Variants in GPR63 observed in about 807,000 individuals in gnomAD.
The protein encoded by GPR63 is probable G protein-coupled receptor 63.
In GPR63, 12 loss-of-function variants were observed where a neutral mutation model predicts 23.1. That is an observed-to-expected ratio of 0.52 (90% CI 0.33 to 0.84). The LOEUF (loss-of-function observed/expected upper bound fraction) is 0.84. Among genes scored for constraint, GPR63 ranks in the 40% least tolerant of loss-of-function variants. The pLI, the probability that GPR63 is intolerant of heterozygous loss-of-function variation, is 0.02. For missense variants in GPR63, 472 were observed against 515.6 expected (o/e 0.92, Z 0.82); for synonymous variants, 172 against 191.1 (o/e 0.90, Z 0.82).
intron 1 of GPR63, among the ~76,000 whole-genome samples, chr6:96,811,866 A>G (rs1376801711): frequency 6.7e-6 from 1 of 149,318 alleles, no homozygotes; most frequent in East Asian, 1.9e-4. Context: ...ATAAATAAAT[A>G]AATAAATAAA....
At chr6:96,816,698 C>G (rs549702339) in intron 1 of GPR63, among the ~76,000 whole-genome samples, 2 of 152,184 alleles carry the variant, frequency 1.3e-5, no homozygotes, top group African/African-American at 2.4e-5. Flanking sequence ...AAAGTGGCAG[C>G]TGAAAGGATT....
In GPR63 at chr6:96,799,848, C is replaced by A. The variant is rs758545272; in HGVS notation, c.-117G>T. ...TTGGAAATACATTCTGGAAAATGGA[C>A]AATGAGTTCCATCTTCCACAAGAGT... On this transcript the variant is annotated 5_prime_UTR_variant, in exon 2 of 2. Coordinates refer to ENST00000229955, the MANE Select transcript of GPR63 (RefSeq NM_030784.4). The A allele has an allele frequency of 2.0e-6, 2 of 978,636 alleles. No homozygotes were observed. The highest frequency in any genetic ancestry group is 3.2e-6 in the Non-Finnish European group (2 of 625,220). 60.6% of individuals were successfully genotyped at this position (978,636 alleles called of 1,614,324 possible).
At chr6:96,832,426 G>A (rs1192286025) in intron 1 of GPR63, among the ~76,000 whole-genome samples, 2 of 107,410 alleles carry the variant, frequency 1.9e-5, no homozygotes, top group East Asian at 6.1e-4. Context: ...CACCATACCT[G>A]ACTAACTTTT....
At position 96,795,816 on chromosome 6, in the gene GPR63, T is replaced by C. The variant is rs926435567; in HGVS notation, c.*2656A>G. 1 of 152,210 alleles carries C rather than the reference T, an allele frequency of 6.6e-6. No individual in the cohort carries two copies. The highest frequency in any genetic ancestry group is 1.5e-5 in the Non-Finnish European group (1 of 68,042). The allele number at this position is 152,210 out of a possible 1,614,324, so 9.4% of individuals were successfully genotyped here. On this transcript the variant is annotated 3_prime_UTR_variant, in exon 2 of 2. Transcript: ENST00000229955. ...AGAAAAGTCTAATAAAAAATGTCCT[T>C]ATCAATATCTGCTTGAAATCTAGTT...
chr6:96,811,368 G>A (rs528727524), intron 1 of GPR63, among the ~76,000 whole-genome samples: 27 of 152,302 alleles, frequency 1.8e-4, no homozygotes, highest in African/African-American at 4.6e-4. Context: ...AAATACTGGC[G>A]TTACTCAAGG....
chr6:96,829,678 C>G (rs1037615808), intron 1 of GPR63, among the ~76,000 whole-genome samples: 1 of 152,028 alleles, frequency 6.6e-6, no homozygotes, highest in Non-Finnish European at 1.5e-5. Context: ...CCAGCCAGGA[C>G]AAAGGAATGA....
chr6:96,798,399 A>T lies in GPR63; in HGVS notation c.*73T>A. The T allele has an allele frequency of 6.8e-7, 1 of 1,477,456 alleles. No homozygotes were observed. The highest frequency in any genetic ancestry group is 2.1e-5 in the Admixed American group (1 of 48,738). The allele number at this position is 1,477,456 out of a possible 1,614,324, so 91.5% of individuals were successfully genotyped here. A position where few individuals can be genotyped will look rare whatever the true frequency, so the allele number is the denominator to read the frequency against. On this transcript the variant is annotated 3_prime_UTR_variant, in exon 2 of 2. Coordinates refer to ENST00000229955, the MANE Select transcript of GPR63 (RefSeq NM_030784.4). ...AACCCTATAAAAAAAAATAAAGTGG[A>T]GAGGCTATGAGAAAGAGAATTCAAT...
chr6:96,805,722 C>T (rs1773879876), intron 1 of GPR63, among the ~76,000 whole-genome samples: 1 of 152,198 alleles, frequency 6.6e-6, no homozygotes, highest in South Asian at 2.1e-4. Context: ...ACTGCAAACC[C>T]TTAGAACTAT....
chr6:96,817,046 G>T (rs1362570715), intron 1 of GPR63, among the ~76,000 whole-genome samples: 1 of 152,076 alleles, frequency 6.6e-6, no homozygotes, highest in East Asian at 1.9e-4. Flanking sequence ...GAAATTATAA[G>T]AACAGAAAGG....
intron 1 of GPR63, among the ~76,000 whole-genome samples, chr6:96,823,876 A>T (rs1774370319): frequency 6.6e-6 from 1 of 152,166 alleles, no homozygotes; most frequent in African/African-American, 2.4e-5. Flanking sequence ...TGTAGCCCAG[A>T]GACAATAGCC....
In GPR63 at chr6:96,794,341, C is replaced by T. The variant is rs573150359; in HGVS notation, c.*4131G>A. 3 of 151,874 alleles carry T rather than the reference C, an allele frequency of 2.0e-5. No individual in the cohort carries two copies. Among genetic ancestry groups the T allele is most frequent in the Admixed American group, 1.3e-4 (2 of 15,252 alleles). The allele number at this position is 151,874 out of a possible 1,614,324, so 9.4% of individuals were successfully genotyped here. A position where few individuals can be genotyped will look rare whatever the true frequency, so the allele number is the denominator to read the frequency against. ...GATATCTAAGAAATGTATAATTTAC[C>T]TCCAATAACAAACTTGTGCTTTGAT... On this transcript the variant is annotated 3_prime_UTR_variant, in exon 2 of 2. Transcript: ENST00000229955.
At chr6:96,807,609 T>C (rs2127947548) in intron 1 of GPR63, among the ~76,000 whole-genome samples, 1 of 152,158 alleles carries the variant, frequency 6.6e-6, no homozygotes, top group East Asian at 1.9e-4. Context: ...ATCAGAAAGC[T>C]AATAATCACC....
Sources: allele counts gnomAD v4.1 joint callset (sites outside exome capture counted in the v4.1 genomes callset), GRCh38; gene constraint gnomAD v4.1.1; transcripts MANE v1.5; gene names NCBI Gene and HGNC (gene_info 2026-07-23, HGNC 2026-07-21).